Variants in FRMD4B observed in about 807,000 individuals in gnomAD.
FRMD4B encodes FERM domain containing 4B, also known as FERM domain-containing protein 4B.
Under a neutral mutation model 141.5 loss-of-function variants are expected in FRMD4B, and 74 were observed. That is an observed-to-expected ratio of 0.52 (90% confidence interval 0.43 to 0.63). FRMD4B has a LOEUF of 0.63. FRMD4B is among the 30% of genes least tolerant of loss of function. The probability of loss-of-function intolerance (pLI) is 0.00; values close to 1 mark genes in which losing one functional copy is unlikely to be tolerated. For synonymous variants in FRMD4B, 506 were observed against 467.9 expected, an observed-to-expected ratio of 1.08 and a Z score of -1.05; for missense variants, 1,366 against 1,253.4, an observed-to-expected ratio of 1.09 and a Z score of -1.36.
intron 1 of FRMD4B, chr3:69,535,904 A>G (rs1407674480): frequency 2.4e-6 from 1 of 418,628 alleles, no homozygotes. Context: ...CCTTGCTGAC[A>G]GTGGGTTTTG....
chr3:69,192,317 A>T (rs1010289516), intron 17 of FRMD4B, among the ~76,000 whole-genome samples: 2 of 152,164 alleles, frequency 1.3e-5, no homozygotes, highest in African/African-American at 4.8e-5. Flanking sequence ...TCGAGGCTGC[A>T]GTGAGCTTTG....
At chr3:69,536,248 C>T (rs36069215) in intron 1 of FRMD4B, 133,291 of 605,224 alleles carry the variant, frequency 0.22, 15,658 homozygotes, top group African/African-American at 0.34. Flanking sequence ...TCCCCTTGGC[C>T]TTTTCCGCTC....
In FRMD4B at chr3:69,196,327, C is replaced by T. The variant is rs2092903491; in HGVS notation, c.1162G>A (p.Ala388Thr). Residue 388 changes from alanine to threonine, a missense_variant, in exon 14 of 23, where the codon GCC (alanine) becomes ACC (threonine). Transcript: ENST00000398540. ...GTCTCCAGTGTCACCAGCTTGGAGG[C>T]CCTTTGTGTTCCTGTCTCTGTCAAA... is the stretch of plus-strand genomic sequence containing the variant. ...MDLTETGTQRASKLVTLETKS... is the reference protein window; with the variant it reads ...MDLTETGTQRTSKLVTLETKS... The T allele has an allele frequency of 3.1e-6, 5 of 1,609,472 alleles. No individual in the cohort carries two copies. The highest frequency in any genetic ancestry group is 4.2e-6 in the Non-Finnish European group (5 of 1,177,168).
At chr3:69,390,334 T>C (rs1254524423), upstream of FRMD4B, among the ~76,000 whole-genome samples, 3 of 152,094 alleles carry the variant, frequency 2.0e-5, no homozygotes, top group Non-Finnish European at 2.9e-5. Flanking sequence ...ACGTCCAACA[T>C]AGGGCTTGAG....
chr3:69,249,166 C>G, intron 7 of FRMD4B, 60 bp downstream of exon 7: 1 of 1,039,146 alleles, frequency 9.6e-7, no homozygotes. Context: ...TTAAAATAAC[C>G]ACATAAAATG....
Position 69,169,362 on chromosome 3 carries a change from T to TCC in FRMD4B, c.*2498_*2499insGG. 7.6e-6 allele frequency among the ~76,000 whole-genome samples: 1 copy of TCC among 131,904 alleles called. No individual in the cohort carries two copies. Among genetic ancestry groups the TCC allele is most frequent in the African/African-American group, 3.5e-5 (1 of 28,486 alleles). The allele number at this position is 131,904 out of a possible 152,430, so 86.5% of individuals were successfully genotyped here. A position where few individuals can be genotyped will look rare whatever the true frequency, so the allele number is the denominator to read the frequency against. ...GAACTTCCATTTCTTTCTTTTTTTT[T>TCC]TTTTTTTTTTTTTCTTGAGACAAGG... On this transcript the variant is annotated 3_prime_UTR_variant, in exon 23 of 23. Transcript: ENST00000398540.
At chr3:69,388,999 G>A (rs1357405833), upstream of FRMD4B, among the ~76,000 whole-genome samples, 7 of 148,248 alleles carry the variant, frequency 4.7e-5, no homozygotes, top group Non-Finnish European at 7.4e-5. Flanking sequence ...CCCACCCTCT[G>A]ACCCTCCCCA....
chr3:69,209,334 G>A (rs1559718841), intron 11 of FRMD4B, among the ~76,000 whole-genome samples: 1 of 152,016 alleles, frequency 6.6e-6, no homozygotes, highest in Non-Finnish European at 1.5e-5. Flanking sequence ...CATGTTTTAC[G>A]AGAACTGCTT....
chr3:69,344,397 G>A (rs1260374051), intron 1 of FRMD4B, among the ~76,000 whole-genome samples: 2 of 152,316 alleles, frequency 1.3e-5, no homozygotes, highest in Middle Eastern at 3.4e-3. Context: ...GAGAGATGGA[G>A]GTTAAACACA....
At position 69,475,341 on chromosome 3, in the gene FRMD4B, T is replaced by A. The variant is rs1048890617; in HGVS notation, c.-128-42580A>T. On this transcript the variant is annotated intron_variant, in intron 1 of 5. Transcript: ENST00000459638. ...ATTTAGCATTAGGTATATCTCCTAATGCTATCCCTCCCCCTTCCCCCCACC... is the reference window on the plus strand; with the variant it reads ...ATTTAGCATTAGGTATATCTCCTAAAGCTATCCCTCCCCCTTCCCCCCACC... 5.8e-4 allele frequency among the ~76,000 whole-genome samples: 89 copies of A among 152,160 alleles called. 1 individual carries two copies. Among genetic ancestry groups the A allele is most frequent in the Middle Eastern group, 3.4e-3 (1 of 294 alleles).
At chr3:69,273,552 A>G (rs1448656324) in intron 5 of FRMD4B, among the ~76,000 whole-genome samples, 1 of 151,986 alleles carries the variant, frequency 6.6e-6, no homozygotes, top group Non-Finnish European at 1.5e-5. Context: ...GAGAGAAAAC[A>G]GAGTAAGACT....
chr3:69,474,385 C>T (rs752027578), intron 1 of FRMD4B, among the ~76,000 whole-genome samples: 18 of 152,124 alleles, frequency 1.2e-4, no homozygotes, highest in South Asian at 4.1e-4. Context: ...CATCTGATGA[C>T]GCTGAGTTAA....
rs144075545 is a variant in FRMD4B at position 69,282,171 on chromosome 3, T to C, written c.501+5581A>G. On this transcript the variant is annotated intron_variant, in intron 5 of 22. Transcript: ENST00000398540. The stretch of plus-strand genomic sequence containing the variant: ...ACAAGTATGTAAGAAGACATTGTGG[T>C]TTTATCAGTATTTGCAAATAAGAGC... Among the ~76,000 whole-genome samples, 548 of 152,296 alleles carry C rather than the reference T, an allele frequency of 3.6e-3. 2 individuals carry two copies. The highest frequency in any genetic ancestry group is 0.013 in the African/African-American group (529 of 41,558).
intron 4 of FRMD4B, 79 bp downstream of exon 4, chr3:69,302,264 A>C: frequency 1.3e-6 from 1 of 749,304 alleles, no homozygotes. Flanking sequence ...GAAATGTAAA[A>C]AATAGCAAAG....
intron 1 of FRMD4B, among the ~76,000 whole-genome samples, chr3:69,439,853 T>A (rs1705317152): frequency 6.6e-6 from 1 of 152,226 alleles, no homozygotes; most frequent in Non-Finnish European, 1.5e-5. Context: ...GAAAACCTTT[T>A]CAATTTTTAC....
At chr3:69,276,510 G>A (rs1311284767) in intron 5 of FRMD4B, among the ~76,000 whole-genome samples, 1 of 152,152 alleles carries the variant, frequency 6.6e-6, no homozygotes, top group Non-Finnish European at 1.5e-5. Context: ...CTGGGCTCAA[G>A]CAATCCACCT....
At chr3:69,538,651 C>A (rs1701119495) in intron 1 of FRMD4B, among the ~76,000 whole-genome samples, 1 of 152,064 alleles carries the variant, frequency 6.6e-6, no homozygotes, top group African/African-American at 2.4e-5. Flanking sequence ...ATTGATTTCA[C>A]CAGGAAGCAT....
At chr3:69,314,106 T>G (rs1352987473) in intron 1 of FRMD4B, among the ~76,000 whole-genome samples, 1 of 102,356 alleles carries the variant, frequency 9.8e-6, no homozygotes, top group Non-Finnish European at 1.7e-5. Flanking sequence ...GCCACTGCAC[T>G]CCAGCCTGGG....
At chr3:69,291,990 T>C (rs1449346090) in intron 4 of FRMD4B, among the ~76,000 whole-genome samples, 1 of 147,534 alleles carries the variant, frequency 6.8e-6, no homozygotes, top group Non-Finnish European at 1.5e-5. Flanking sequence ...ATTTTACAGA[T>C]GAGAAAGCTT....
Sources: allele counts gnomAD v4.1 joint callset (sites outside exome capture counted in the v4.1 genomes callset), GRCh38; gene constraint gnomAD v4.1.1; transcripts MANE v1.5; gene names NCBI Gene and HGNC (gene_info 2026-07-23, HGNC 2026-07-21).